Variants in MRTFA observed in about 807,000 individuals in gnomAD.
MRTFA encodes myocardin-related transcription factor A.
Under a neutral mutation model 83.5 loss-of-function variants are expected in MRTFA, and 20 were observed. The observed-to-expected ratio is 0.24, with a 90% confidence interval of 0.17 to 0.35. The LOEUF (loss-of-function observed/expected upper bound fraction) is 0.35. Among genes scored for constraint, MRTFA ranks in the 10% least tolerant of loss-of-function variants. The probability of loss-of-function intolerance (pLI) is 1.00; values close to 1 mark genes in which losing one functional copy is unlikely to be tolerated. For missense variants in MRTFA, 1,200 were observed against 1,224.7 expected (o/e 0.98, Z 0.30); for synonymous variants, 659 against 541.2 (o/e 1.22, Z -3.02).
intron 3 of MRTFA, among the ~76,000 whole-genome samples, chr22:40,479,560 A>C (rs2054054198): frequency 6.6e-6 from 1 of 152,220 alleles, no homozygotes; most frequent in Non-Finnish European, 1.5e-5. Context: ...CTTTAGAAAA[A>C]TTGATGAATC....
At chr22:40,621,475 G>C (rs1478792600) in intron 1 of MRTFA, among the ~76,000 whole-genome samples, 1 of 152,164 alleles carries the variant, frequency 6.6e-6, no homozygotes, top group African/African-American at 2.4e-5. Context: ...GAGGAGAACA[G>C]GGAGTCATTG....
intron 2 of MRTFA, among the ~76,000 whole-genome samples, chr22:40,565,846 A>T (rs2147336517): frequency 6.6e-6 from 1 of 152,340 alleles, no homozygotes; most frequent in East Asian, 1.9e-4. Context: ...TTGTATAGCC[A>T]ACCCTTATTA....
At chr22:40,542,812 G>A (rs1341856221) in intron 3 of MRTFA, among the ~76,000 whole-genome samples, 1 of 152,194 alleles carries the variant, frequency 6.6e-6, no homozygotes, top group East Asian at 1.9e-4. Context: ...GCAGGACACA[G>A]AATTGGGTCT....
intron 3 of MRTFA, among the ~76,000 whole-genome samples, chr22:40,547,323 C>A (rs1029481697): frequency 2.6e-5 from 4 of 151,796 alleles, no homozygotes; most frequent in African/African-American, 9.7e-5. Flanking sequence ...TATACACACA[C>A]ACACAATGAC....
chr22:40,463,417 G>A, intron 3 of MRTFA, 131 bp from the exon 4 acceptor site: 2 of 699,648 alleles, frequency 2.9e-6, no homozygotes, highest in Non-Finnish European at 5.0e-6. Flanking sequence ...CCCTTGAAGT[G>A]CAACTGTCTG....
rs1223498769 is a variant in MRTFA, at chr22:40,463,242, C to T, written c.286G>A (p.Val96Met). 13 of 1,614,088 alleles carry T rather than the reference C, an allele frequency of 8.1e-6. No individual in the cohort carries two copies. The highest frequency in any genetic ancestry group is 1.1e-5 in the Non-Finnish European group (13 of 1,179,964). ...TTACGCGGCATGATCCCTTGGCTCA[C>T]CAGTTCTTCCCGGGTCCGGCGCTGC... Residue 96 changes from valine to methionine, a missense_variant, in exon 4 of 15, where the codon GTG (valine) becomes ATG (methionine). Val to Met is a conservative substitution (Grantham distance 21, BLOSUM62 1). Transcript: ENST00000355630.
At chr22:40,415,864 G>A (rs1202796891) in intron 14 of MRTFA, among the ~76,000 whole-genome samples, 4 of 151,920 alleles carry the variant, frequency 2.6e-5, no homozygotes, top group Admixed American at 2.6e-4. Context: ...GGTCACGGCT[G>A]GATTCCAGGA....
intron 4 of MRTFA, among the ~76,000 whole-genome samples, chr22:40,437,589 G>A (rs566848127): frequency 3.9e-5 from 6 of 152,064 alleles, no homozygotes; most frequent in African/African-American, 7.2e-5. Context: ...GTGAAACCCC[G>A]TCTCTACTAA....
intron 3 of MRTFA, chr22:40,526,802 T>C (rs150116686): frequency 2.0e-5 from 3 of 152,240 alleles, no homozygotes; most frequent in African/African-American, 7.2e-5. Flanking sequence ...TCAAACAATA[T>C]ACCTAAGGCT....
intron 14 of MRTFA, 71 bp from the exon 15 acceptor site, chr22:40,411,978 G>A (rs1473021012): frequency 2.3e-6 from 3 of 1,321,376 alleles, no homozygotes; most frequent in Non-Finnish European, 3.0e-6. Context: ...AAAGAATGAA[G>A]GTGGACCCCC....
intron 3 of MRTFA, among the ~76,000 whole-genome samples, chr22:40,476,402 A>G (rs1396415450): frequency 1.3e-5 from 2 of 152,066 alleles, no homozygotes; most frequent in African/African-American, 2.4e-5. Context: ...ACAGCATCCA[A>G]TGGAATTGTT....
At chr22:40,466,448 C>T (rs1311659358) in intron 3 of MRTFA, among the ~76,000 whole-genome samples, 2 of 152,092 alleles carry the variant, frequency 1.3e-5, no homozygotes, top group Non-Finnish European at 2.9e-5. Context: ...GATTCGTACC[C>T]ACATTTCTGT....
At chr22:40,512,443 T>A (rs2054683340) in intron 3 of MRTFA, among the ~76,000 whole-genome samples, 1 of 152,180 alleles carries the variant, frequency 6.6e-6, no homozygotes. Context: ...CTAATGAGGA[T>A]CCTTGCCATC....
intron 6 of MRTFA, among the ~76,000 whole-genome samples, chr22:40,430,845 A>G (rs1004553991): frequency 7.1e-6 from 1 of 141,556 alleles, no homozygotes; most frequent in African/African-American, 2.6e-5. Context: ...TGAGCAGCAG[A>G]GCAAGACTCC....
chr22:40,610,818 T>C (rs1223798428), intron 1 of MRTFA, among the ~76,000 whole-genome samples: 1 of 139,960 alleles, frequency 7.1e-6, no homozygotes, highest in East Asian at 2.3e-4. Context: ...GAGGGAAAAA[T>C]AAGTAAAAAA....
intron 4 of MRTFA, among the ~76,000 whole-genome samples, chr22:40,437,678 A>G (rs1038739539): frequency 1.1e-4 from 17 of 150,810 alleles, no homozygotes; most frequent in African/African-American, 3.7e-4. Context: ...CAGGAGAATC[A>G]CTTGAACTCA....
intron 14 of MRTFA, 45 bp from the exon 15 acceptor site, chr22:40,411,952 T>C: frequency 4.2e-6 from 6 of 1,415,442 alleles, no homozygotes; most frequent in Non-Finnish European, 5.6e-6. Flanking sequence ...AAGCCAAGCC[T>C]GTATATCTAC....
At chr22:40,612,387 G>A (rs1032609059) in intron 1 of MRTFA, among the ~76,000 whole-genome samples, 5 of 152,224 alleles carry the variant, frequency 3.3e-5, no homozygotes, top group African/African-American at 4.8e-5. Flanking sequence ...CAACAGAAAT[G>A]TGAGGACCTA....
intron 9 of MRTFA, among the ~76,000 whole-genome samples, chr22:40,421,605 G>C (rs1366808260): frequency 6.6e-6 from 1 of 152,208 alleles, no homozygotes; most frequent in Admixed American, 6.5e-5. Flanking sequence ...ATGTGATCTT[G>C]TTCTTGTTCT....
Sources: allele counts gnomAD v4.1 joint callset (sites outside exome capture counted in the v4.1 genomes callset), GRCh38; gene constraint gnomAD v4.1.1; transcripts MANE v1.5; gene names NCBI Gene and HGNC (gene_info 2026-07-23, HGNC 2026-07-21).